The following C1orf21 variants were observed in gnomAD, a reference collection of about 807,000 sequenced individuals.
C1orf21 encodes uncharacterized protein C1orf21.
C1orf21 carries 3 observed loss-of-function variants against 18.7 expected under a neutral mutation model. That is an observed-to-expected ratio of 0.16 (90% CI 0.07 to 0.42). The LOEUF is 0.42. Ranked by LOEUF, C1orf21 falls within the 10% of genes least tolerant of loss-of-function variation. The probability of loss-of-function intolerance (pLI) is 0.99; values close to 1 mark genes in which losing one functional copy is unlikely to be tolerated. For synonymous variants in C1orf21, 41 were observed against 46.4 expected, an observed-to-expected ratio of 0.88 and a Z score of 0.47; for missense variants, 104 against 143.6, an observed-to-expected ratio of 0.72 and a Z score of 1.41.
intron 2 of C1orf21, among the ~76,000 whole-genome samples, chr1:184,480,556 G>A (rs1446953631): frequency 6.6e-6 from 1 of 152,140 alleles, no homozygotes; most frequent in Non-Finnish European, 1.5e-5. Context: ...GCAGATGTTA[G>A]CATCTGATAA....
At chr1:184,611,075 C>T (rs967668661) in intron 5 of C1orf21, among the ~76,000 whole-genome samples, 1 of 152,144 alleles carries the variant, frequency 6.6e-6, no homozygotes, top group African/African-American at 2.4e-5. Context: ...CACTCCACTG[C>T]TCATTACAAA....
chr1:184,573,761 C>T (rs530522200), intron 3 of C1orf21, among the ~76,000 whole-genome samples: 183 of 152,250 alleles, frequency 1.2e-3, no homozygotes, highest in Non-Finnish European at 1.9e-3. Flanking sequence ...TTCATTCATA[C>T]CCCAAACCTC....
intron 3 of C1orf21, among the ~76,000 whole-genome samples, chr1:184,539,286 A>G (rs1477624959): frequency 6.6e-6 from 1 of 152,116 alleles, no homozygotes; most frequent in Non-Finnish European, 1.5e-5. Context: ...TAAATGTGGT[A>G]TATTACATTG....
In C1orf21 at chr1:184,573,417, TCA is replaced by T. The variant is rs1249173436; in HGVS notation, c.190-17321_190-17320del. ...AACATTCCTACGCGTGATGTTAACA[TCA>T]TTCTCGAAGAGTTCTTGGCCGAAGA... is the stretch of plus-strand genomic sequence containing the variant. On this transcript the variant is annotated intron_variant, in intron 3 of 5. Coordinates refer to ENST00000235307, the MANE Select transcript of C1orf21 (RefSeq NM_030806.4). Among the ~76,000 whole-genome samples the T allele has an allele frequency of 2.6e-5, 4 of 152,352 alleles. No individual in the cohort carries two copies. In the East Asian group the frequency reaches 5.8e-4, roughly 22 times the overall value.
chr1:184,412,708 T>C (rs750025829), intron 1 of C1orf21, among the ~76,000 whole-genome samples: 30 of 152,172 alleles, frequency 2.0e-4, no homozygotes, highest in Non-Finnish European at 3.4e-4. Context: ...TTGGGGAGAC[T>C]GAGGCCAGAG....
Position 184,477,563 on chromosome 1 carries a change from C to A in C1orf21, c.54C>A (p.Ala18=). 1 of 1,613,904 alleles carries A rather than the reference C, an allele frequency of 6.2e-7. No homozygotes were observed. The highest frequency in any genetic ancestry group is 8.5e-7 in the Non-Finnish European group (1 of 1,179,892). ...CCACTGTTCAAAATGAAGAGGAAGCCCAGAAAGGGAAAAACTACCAGAACG... is the reference window on the plus strand; with the variant it reads ...CCACTGTTCAAAATGAAGAGGAAGCACAGAAAGGGAAAAACTACCAGAACG... ...HVATVQNEEE[A]QKGKNYQNGD... The change falls in exon 2 of 6, where the codon GCC becomes GCA. Residue 18 remains alanine, a synonymous_variant. Transcript: ENST00000235307.
chr1:184,585,088 T>C (rs1397814777), intron 3 of C1orf21, among the ~76,000 whole-genome samples: 1 of 152,220 alleles, frequency 6.6e-6, no homozygotes, highest in Non-Finnish European at 1.5e-5. Flanking sequence ...CATAAGGCTG[T>C]TAAATATTTG....
At chr1:184,561,604 T>G (rs1379216952) in intron 3 of C1orf21, among the ~76,000 whole-genome samples, 2 of 152,122 alleles carry the variant, frequency 1.3e-5, no homozygotes, top group Non-Finnish European at 2.9e-5. Context: ...ACAGGTATGT[T>G]TCTAGGGTTG....
chr1:184,490,164 G>T (rs1015165613), intron 2 of C1orf21, among the ~76,000 whole-genome samples: 5 of 152,208 alleles, frequency 3.3e-5, no homozygotes, highest in Admixed American at 3.3e-4. Context: ...TTAAAACCTA[G>T]CATTTCACTT....
In C1orf21 at chr1:184,627,536, C is replaced by A. The variant is rs1660036141; in HGVS notation, c.*7980C>A. 1 of 152,228 alleles carries A rather than the reference C, an allele frequency of 6.6e-6. No homozygotes were observed. The highest frequency in any genetic ancestry group is 1.5e-5 in the Non-Finnish European group (1 of 68,074). 9.4% of individuals were successfully genotyped at this position (152,228 alleles called of 1,614,324 possible). A position where few individuals can be genotyped will look rare whatever the true frequency, so the allele number is the denominator to read the frequency against. On this transcript the variant is annotated 3_prime_UTR_variant, in exon 6 of 6. Coordinates refer to ENST00000235307, the MANE Select transcript of C1orf21 (RefSeq NM_030806.4). ...TGACCTTTTTTGCAAAACACCCACC[C>A]CTGCCCTCCTGGCATACTCAACAGC...
At chr1:184,567,314 A>C in intron 3 of C1orf21, 3 of 467,408 alleles carry the variant, frequency 6.4e-6, no homozygotes, top group South Asian at 5.1e-5. Flanking sequence ...CTGTGACTTG[A>C]CTTCACCTGA....
chr1:184,591,627 A>T (rs1659437910), intron 4 of C1orf21, among the ~76,000 whole-genome samples: 2 of 152,114 alleles, frequency 1.3e-5, no homozygotes, highest in African/African-American at 4.8e-5. Flanking sequence ...TAACACGATG[A>T]AACCCCATCT....
chr1:184,430,589 A>T (rs574731712), intron 1 of C1orf21, among the ~76,000 whole-genome samples: 10 of 152,194 alleles, frequency 6.6e-5, no homozygotes, highest in African/African-American at 2.4e-4. Context: ...TTGGGGCTTA[A>T]TTTTTCTTAT....
intron 3 of C1orf21, among the ~76,000 whole-genome samples, chr1:184,589,315 T>A (rs1659403548): frequency 6.6e-6 from 1 of 152,238 alleles, no homozygotes; most frequent in Non-Finnish European, 1.5e-5. Flanking sequence ...TTTGAGCTAT[T>A]CTTACCTCTA....
At chr1:184,569,805 C>T (rs1266592320) in intron 3 of C1orf21, among the ~76,000 whole-genome samples, 3 of 152,176 alleles carry the variant, frequency 2.0e-5, no homozygotes, top group African/African-American at 7.2e-5. Context: ...GAACAGTGAG[C>T]TAGGGTTGGT....
chr1:184,504,708 CT>C (rs1345333973), intron 2 of C1orf21, among the ~76,000 whole-genome samples: 2 of 152,068 alleles, frequency 1.3e-5, no homozygotes, highest in Non-Finnish European at 2.9e-5. Context: ...TCTTGCCCAG[CT>C]TTTTTTGTTT....
chr1:184,415,526 G>A (rs34501687), intron 1 of C1orf21, among the ~76,000 whole-genome samples: 19,860 of 152,106 alleles, frequency 0.13, 1,508 homozygotes, highest in African/African-American at 0.19. Flanking sequence ...AACACATGGC[G>A]TAGGTCAGTG....
intron 1 of C1orf21, among the ~76,000 whole-genome samples, chr1:184,442,467 G>A (rs549341554): frequency 6.6e-6 from 1 of 152,258 alleles, no homozygotes; most frequent in East Asian, 1.9e-4. Context: ...AGCTCTAATT[G>A]ACCTTCACAA....
intron 2 of C1orf21, among the ~76,000 whole-genome samples, chr1:184,483,435 C>T (rs186183914): frequency 4.4e-4 from 67 of 152,336 alleles, no homozygotes; most frequent in African/African-American, 1.6e-3. Context: ...ATCATGATCT[C>T]TCCTGCAGCC....
Sources: allele counts gnomAD v4.1 joint callset (sites outside exome capture counted in the v4.1 genomes callset), GRCh38; gene constraint gnomAD v4.1.1; transcripts MANE v1.5; gene names NCBI Gene and HGNC (gene_info 2026-07-23, HGNC 2026-07-21).